Variants in PDE4D observed in about 807,000 individuals in gnomAD.
PDE4D encodes the protein 3',5'-cyclic-AMP phosphodiesterase 4D.
PDE4D carries 24 observed loss-of-function variants against 87.4 expected under a neutral mutation model. The observed-to-expected ratio is 0.27, with a 90% CI of 0.20 to 0.39. The LOEUF is 0.39. Among genes scored for constraint, PDE4D ranks in the 10% least tolerant of loss-of-function variants. The pLI, the probability that PDE4D is intolerant of heterozygous loss-of-function variation, is 1.00. For synonymous variants in PDE4D, 384 were observed against 383.2 expected, an observed-to-expected ratio of 1.00 and a Z score of -0.02; for missense variants, 714 against 1,041.0, an observed-to-expected ratio of 0.69 and a Z score of 4.32.
At chr5:59,534,912 G>C (rs940338958) in intron 1 of PDE4D, among the ~76,000 whole-genome samples, 1 of 152,156 alleles carries the variant, frequency 6.6e-6, no homozygotes, top group East Asian at 1.9e-4. Context: ...GGCCAGGTTT[G>C]AATGTGATGG....
chr5:59,710,631 T>A (rs1754072071), intron 1 of PDE4D, among the ~76,000 whole-genome samples: 1 of 152,198 alleles, frequency 6.6e-6, no homozygotes, highest in Non-Finnish European at 1.5e-5. Flanking sequence ...ATTTCACAGT[T>A]ATCAGGATTG....
intron 1 of PDE4D, among the ~76,000 whole-genome samples, chr5:59,459,248 C>A (rs990131916): frequency 1.7e-4 from 26 of 152,026 alleles, no homozygotes; most frequent in African/African-American, 6.3e-4. Flanking sequence ...CTGAAAAAAC[C>A]AGGTTAATTT....
intron 1 of PDE4D, among the ~76,000 whole-genome samples, chr5:60,479,681 T>C (rs1748582523): frequency 6.6e-6 from 1 of 152,210 alleles, no homozygotes; most frequent in East Asian, 1.9e-4. Flanking sequence ...ATTCTGCCCT[T>C]ACAGTGTGTG....
chr5:59,285,758 C>T (rs1269070637), intron 1 of PDE4D, among the ~76,000 whole-genome samples: 3 of 152,104 alleles, frequency 2.0e-5, no homozygotes, highest in African/African-American at 7.2e-5. Flanking sequence ...AAAGAAATAA[C>T]TTTTCCAGGA....
chr5:60,369,465 C>T (rs1245181398), intron 1 of PDE4D, among the ~76,000 whole-genome samples: 1 of 152,136 alleles, frequency 6.6e-6, no homozygotes, highest in Non-Finnish European at 1.5e-5. Flanking sequence ...CCCAATAACT[C>T]CCACAGCTAG....
chr5:59,984,037 T>C (rs1448528160), intron 3 of PDE4D, among the ~76,000 whole-genome samples: 1 of 139,028 alleles, frequency 7.2e-6, no homozygotes, highest in African/African-American at 2.5e-5. Flanking sequence ...CAAACATGGA[T>C]ATCAAAAAAA....
At chr5:60,348,497 CA>C (rs1216921100) in intron 1 of PDE4D, among the ~76,000 whole-genome samples, 3 of 152,044 alleles carry the variant, frequency 2.0e-5, no homozygotes, top group African/African-American at 7.2e-5. Flanking sequence ...AAGTATTCCA[CA>C]CAGTATTAAT....
At chr5:60,252,148 G>C (rs1239172508) in intron 1 of PDE4D, among the ~76,000 whole-genome samples, 2 of 151,864 alleles carry the variant, frequency 1.3e-5, no homozygotes, top group Non-Finnish European at 2.9e-5. Flanking sequence ...ACTCTACAAT[G>C]TTTGCACAAT....
intron 2 of PDE4D, among the ~76,000 whole-genome samples, chr5:60,029,479 G>C (rs1766986630): frequency 1.3e-5 from 2 of 152,122 alleles, no homozygotes; most frequent in South Asian, 4.1e-4. Context: ...TTTCCAGACT[G>C]AATCAGTGCA....
chr5:59,450,154 C>A (rs187046069), intron 1 of PDE4D, among the ~76,000 whole-genome samples: 1 of 152,160 alleles, frequency 6.6e-6, no homozygotes. Flanking sequence ...TCGCCTTGTG[C>A]CAACTGATTA....
intron 5 of PDE4D, among the ~76,000 whole-genome samples, chr5:59,049,055 C>T (rs1021639324): frequency 3.9e-5 from 6 of 152,146 alleles, no homozygotes; most frequent in Admixed American, 2.6e-4. Flanking sequence ...AGGCCTTTTT[C>T]GGCTGCTTTT....
chr5:60,312,492 G>GA (rs1224592049), intron 1 of PDE4D, among the ~76,000 whole-genome samples: 5 of 152,272 alleles, frequency 3.3e-5, no homozygotes, highest in Admixed American at 3.3e-4. Flanking sequence ...GAGGCCTCAG[G>GA]AAACTTACAA....
intron 1 of PDE4D, among the ~76,000 whole-genome samples, chr5:59,736,023 G>GC (rs1758017660): frequency 6.6e-6 from 1 of 151,402 alleles, no homozygotes; most frequent in South Asian, 2.1e-4. Context: ...CAAAAGACTA[G>GC]AAATAGTTGC....
At chr5:60,518,292 C>T (rs1750892504) in intron 1 of PDE4D, among the ~76,000 whole-genome samples, 1 of 152,222 alleles carries the variant, frequency 6.6e-6, no homozygotes, top group Non-Finnish European at 1.5e-5. Flanking sequence ...GCTGAGTGGG[C>T]AGAACCAGCC....
At chr5:59,216,007 T>G (rs767402388) in intron 1 of PDE4D, 39 bp from the exon 2 acceptor site, 1 of 1,427,482 alleles carries the variant, frequency 7.0e-7, no homozygotes, top group Non-Finnish European at 9.7e-7. Context: ...GCTGTGAACA[T>G]TCACATGTTC....
intron 1 of PDE4D, among the ~76,000 whole-genome samples, chr5:59,528,284 T>C (rs1041402592): frequency 5.3e-5 from 8 of 152,154 alleles, no homozygotes; most frequent in Non-Finnish European, 7.4e-5. Flanking sequence ...GAAAAGGGTG[T>C]AGTTTGGGAA....
chr5:59,075,288 T>G (rs1765505185), intron 5 of PDE4D, among the ~76,000 whole-genome samples: 1 of 152,170 alleles, frequency 6.6e-6, no homozygotes, highest in East Asian at 1.9e-4. Flanking sequence ...TGAAACTTAT[T>G]TCTTTGAAAA....
intron 1 of PDE4D, among the ~76,000 whole-genome samples, chr5:59,761,551 T>A (rs1374802965): frequency 2.6e-5 from 4 of 152,158 alleles, no homozygotes; most frequent in Non-Finnish European, 4.4e-5. Context: ...TTTTAATTTT[T>A]TTTTACTTTC....
At chr5:60,516,411 G>C (rs1750804317) in intron 1 of PDE4D, among the ~76,000 whole-genome samples, 1 of 152,230 alleles carries the variant, frequency 6.6e-6, no homozygotes, top group Admixed American at 6.5e-5. Flanking sequence ...ACCTGTCTCT[G>C]TCTGGCTCTC....
Sources: gnomAD v4.1 joint callset for allele counts (sites outside exome capture counted in the v4.1 genomes callset) on GRCh38, gnomAD v4.1.1 for gene constraint, MANE v1.5 for transcripts, NCBI Gene and HGNC (gene_info 2026-07-23, HGNC 2026-07-21) for gene names.